The following OXNAD1 variants were observed in gnomAD, a reference collection of about 807,000 sequenced individuals.
The protein encoded by OXNAD1 is oxidoreductase NAD binding domain containing 1, also known as oxidoreductase NAD-binding domain-containing protein 1.
A neutral mutation model predicts 32.9 loss-of-function variants in OXNAD1; 34 were observed. That is an observed-to-expected ratio of 1.03 (90% CI 0.79 to 1.38). The LOEUF (loss-of-function observed/expected upper bound fraction) is 1.38. OXNAD1 is among the 40% of genes most tolerant of loss of function. The probability of loss-of-function intolerance (pLI) is 0.00; values close to 1 mark genes in which losing one functional copy is unlikely to be tolerated. For missense variants in OXNAD1, 407 were observed against 379.4 expected, an observed-to-expected ratio of 1.07 and a Z score of -0.60; for synonymous variants, 134 against 135.2, an observed-to-expected ratio of 0.99 and a Z score of 0.06.
At chr3:16,339,898 G>T (rs1270291117), downstream of OXNAD1, 1 of 152,202 alleles carries the variant, frequency 6.6e-6, no homozygotes, top group African/African-American at 2.4e-5. Flanking sequence ...TGCCACCATT[G>T]TCTTGTACTC....
chr3:16,286,091 TTGAATA>T lies in OXNAD1; in HGVS notation c.184-250_184-245del, dbSNP rs530211414. Among the ~76,000 whole-genome samples the T allele has an allele frequency of 3.2e-4, 48 of 152,322 alleles. No individual in the cohort carries two copies. The South Asian group carries it at 9.5e-3, about 30-fold the overall frequency. ...AGATAAATGCCGGTTAAAAGATCCC[TTGAATA>T]GATGATTTTTGAATGTAGGATAAAA... is the stretch of plus-strand genomic sequence containing the variant. On this transcript the variant is annotated intron_variant, in intron 4 of 8. Transcript: ENST00000285083.
At chr3:16,266,441 T>TA (rs1285331472) in intron 1 of OXNAD1, among the ~76,000 whole-genome samples, 1 of 151,668 alleles carries the variant, frequency 6.6e-6, no homozygotes. Context: ...CCGTCTTTAC[T>TA]AAAAAATACA....
chr3:16,303,318 A>G lies in OXNAD1; in HGVS notation c.785-90A>G. 1 of 1,440,730 alleles carries G rather than the reference A, an allele frequency of 6.9e-7. No homozygotes were observed. The highest frequency in any genetic ancestry group is 2.3e-5 in the East Asian group (1 of 43,708). 89.2% of individuals were successfully genotyped at this position (1,440,730 alleles called of 1,614,324 possible). ...ACTAGACTCACTGAACTTGGAAATA[A>G]ACACTGTATCTGAATTGTGGTTAGT... On this transcript the variant is annotated intron_variant, in intron 8 of 8. Coordinates refer to ENST00000285083, the MANE Select transcript of OXNAD1 (RefSeq NM_138381.5). The surrounding 1 kb of genome is among the most constrained non-coding windows in gnomAD (Gnocchi z 4.8).
In OXNAD1 at chr3:16,348,260, C is replaced by T. The variant is rs988730569; in HGVS notation, c.*31-916C>T. On this transcript the variant is annotated intron_variant, in intron 9 of 9. Coordinates refer to the OXNAD1 transcript ENST00000606098. The surrounding 1 kb of genome is among the most constrained non-coding windows in gnomAD (Gnocchi z 6.3). ...AAAGGAAGCCGAGGCATCTAGATCA[C>T]TGACATTATCCATAATCAGAGGCGT... 1.3e-5 allele frequency among the ~76,000 whole-genome samples: 2 copies of T among 152,096 alleles called. No individual in the cohort carries two copies. The highest frequency in any genetic ancestry group is 4.8e-5 in the African/African-American group (2 of 41,386).
chr3:16,309,463 A>G (rs899054577), downstream of OXNAD1, among the ~76,000 whole-genome samples: 2 of 151,628 alleles, frequency 1.3e-5, no homozygotes, highest in African/African-American at 4.9e-5. Context: ...AATCAGTTAG[A>G]TGAAAGGTGA....
intron 4 of OXNAD1, among the ~76,000 whole-genome samples, chr3:16,272,479 C>T (rs548294604): frequency 2.0e-5 from 3 of 152,190 alleles, no homozygotes; most frequent in Non-Finnish European, 2.9e-5. Context: ...TTATATACTT[C>T]TACAAACATG....
At chr3:16,307,767 AG>A (rs2067666429), downstream of OXNAD1, among the ~76,000 whole-genome samples, 2 of 88,048 alleles carry the variant, frequency 2.3e-5, no homozygotes, top group African/African-American at 1.3e-4. Context: ...TTAGATTTAC[AG>A]AAGAGTTGCA....
chr3:16,294,519 C>T (rs66732107), intron 5 of OXNAD1, among the ~76,000 whole-genome samples: 21,384 of 152,132 alleles, frequency 0.14, 1,618 homozygotes, highest in African/African-American at 0.18. Context: ...TGGGCCTGAG[C>T]TTTTCTTTGT....
chr3:16,285,618 A>G (rs2066022168), intron 4 of OXNAD1, among the ~76,000 whole-genome samples: 1 of 152,352 alleles, frequency 6.6e-6, no homozygotes, highest in South Asian at 2.1e-4. Context: ...AGTCAAACCT[A>G]TTCAAGGCTT....
downstream of OXNAD1, among the ~76,000 whole-genome samples, chr3:16,307,280 C>T (rs960445487): frequency 1.2e-4 from 19 of 152,148 alleles, no homozygotes; most frequent in African/African-American, 4.3e-4. Flanking sequence ...TTTTAGGTCG[C>T]CCCTGCTGTG....
intron 4 of OXNAD1, chr3:16,276,597 T>TA (rs1374117701): frequency 4.3e-5 from 7 of 163,184 alleles, no homozygotes; most frequent in African/African-American, 7.2e-5. Flanking sequence ...TTCTGGTCTT[T>TA]GTTTTTTTTG....
downstream of OXNAD1, among the ~76,000 whole-genome samples, chr3:16,310,209 G>C (rs1293902264): frequency 1.3e-5 from 2 of 152,208 alleles, no homozygotes; most frequent in African/African-American, 2.4e-5. Flanking sequence ...TAAAAAGGAA[G>C]TGTTTTAGAC....
rs992987935 is a variant in OXNAD1 at position 16,329,577 on chromosome 3, G to A, written c.*31-7535G>A. ...CCTCCCTTCCAGACCAGCACAGCCC[G>A]TATTCCTCCTGCTGGGTGCCACGCT... On this transcript the variant is annotated intron_variant, in intron 9 of 9. Transcript: ENST00000435829. The surrounding 1 kb of genome is among the most constrained non-coding windows in gnomAD (Gnocchi z 4.5). Among the ~76,000 whole-genome samples the A allele has an allele frequency of 8.5e-5, 13 of 152,108 alleles. No homozygotes were observed. The highest frequency in any genetic ancestry group is 2.7e-4 in the African/African-American group (11 of 41,416).
chr3:16,328,815 A>C (rs1337884803), intron 9 of OXNAD1, among the ~76,000 whole-genome samples: 2 of 152,226 alleles, frequency 1.3e-5, no homozygotes, highest in Non-Finnish European at 2.9e-5. Context: ...CCCTCCTGGC[A>C]AAAGAAAAGT....
At position 16,301,941 on chromosome 3, in the gene OXNAD1, G is replaced by T. The variant is rs2067215619; in HGVS notation, c.675+73G>T. The T allele has an allele frequency of 2.0e-6, 3 of 1,537,712 alleles. No individual in the cohort carries two copies. Among genetic ancestry groups the T allele is most frequent in the Non-Finnish European group, 1.7e-6 (2 of 1,143,452 alleles). On this transcript the variant is annotated intron_variant, in intron 7 of 8. Transcript: ENST00000285083. This position sits in a 1 kb window ranked among gnomAD's most constrained non-coding sequence, Gnocchi z 4.1. ...ATTGTTCATGAAAGTTTTTTCTCTA[G>T]GTTTTGTTTTCTCTGCAAAGGTTCA... is the stretch of plus-strand genomic sequence containing the variant.
At chr3:16,296,862 G>T (rs1356946918) in intron 6 of OXNAD1, among the ~76,000 whole-genome samples, 1 of 152,120 alleles carries the variant, frequency 6.6e-6, no homozygotes, top group Non-Finnish European at 1.5e-5. Context: ...AAAACGGATT[G>T]TAGATCTAAA....
Position 16,344,112 on chromosome 3 carries a change from A to G in OXNAD1, c.*31-5064A>G, listed in dbSNP as rs1222522391. Among the ~76,000 whole-genome samples, 1 of 152,166 alleles carries G rather than the reference A, an allele frequency of 6.6e-6. No individual in the cohort carries two copies. The highest frequency in any genetic ancestry group is 1.5e-5 in the Non-Finnish European group (1 of 68,042). On this transcript the variant is annotated intron_variant, in intron 9 of 9. Coordinates refer to the OXNAD1 transcript ENST00000606098. The surrounding 1 kb of genome is among the most constrained non-coding windows in gnomAD (Gnocchi z 4.4). Reference sequence around the variant, plus strand: ...TCTTGGCCTGTATTAACTCTTTTTCATTGGAATTGCTGTCAAATCAGGTAT... The same window carrying G: ...TCTTGGCCTGTATTAACTCTTTTTCGTTGGAATTGCTGTCAAATCAGGTAT...
intron 4 of OXNAD1, chr3:16,272,327 T>C: frequency 4.0e-6 from 1 of 247,992 alleles, no homozygotes; most frequent in Non-Finnish European, 8.2e-6. Flanking sequence ...CCTCAGTGAG[T>C]AACCCCATTT....
At chr3:16,350,616 TA>T (rs2072035501), downstream of OXNAD1, among the ~76,000 whole-genome samples, 1 of 152,134 alleles carries the variant, frequency 6.6e-6, no homozygotes, top group African/African-American at 2.4e-5. Context: ...AAGGCGCTGC[TA>T]AAGTAGATCT....
Sources: gnomAD v4.1 joint callset for allele counts (sites outside exome capture counted in the v4.1 genomes callset) on GRCh38, gnomAD v4.1.1 for gene constraint, Gnocchi (gnomAD v3.1) non-coding constraint, MANE v1.5 for transcripts, NCBI Gene and HGNC (gene_info 2026-07-23, HGNC 2026-07-21) for gene names.